Variants in NBEA observed in about 807,000 individuals in gnomAD.
NBEA encodes lysosomal-trafficking regulator 2.
Under a neutral mutation model 343.4 loss-of-function variants are expected in NBEA, and 44 were observed. The ratio of observed to expected loss-of-function variants is 0.13; its 90% CI spans 0.10 to 0.16. NBEA has a LOEUF of 0.16. Among genes scored for constraint, NBEA ranks in the 10% least tolerant of loss-of-function variants. The pLI is 1.00. For synonymous variants in NBEA, 1,175 were observed against 1,238.7 expected (o/e 0.95, Z 1.08); for missense variants, 2,555 against 3,631.3 (o/e 0.70, Z 7.62).
At chr13:34,986,961 T>C (rs932044552) in intron 1 of NBEA, among the ~76,000 whole-genome samples, 1 of 150,940 alleles carries the variant, frequency 6.6e-6, no homozygotes, top group African/African-American at 2.4e-5. Context: ...TCTTGACTCT[T>C]TATATTTGCC....
Position 34,942,746 on chromosome 13 carries a change from G to C in NBEA, c.-75G>C, listed in dbSNP as rs2059067165. ...GGCTCCGAGGCGACGGCCGGGGGGC[G>C]GGGGCCGAGGCAGGTATAACGGTAC... On this transcript the variant is annotated 5_prime_UTR_variant, in exon 1 of 59. Transcript: ENST00000379939. 6 of 1,191,114 alleles carry C rather than the reference G, an allele frequency of 5.0e-6. No homozygotes were observed. Among genetic ancestry groups the C allele is most frequent in the African/African-American group, 1.6e-5 (1 of 62,962 alleles). 73.8% of individuals were successfully genotyped at this position (1,191,114 alleles called of 1,614,324 possible).
intron 34 of NBEA, among the ~76,000 whole-genome samples, chr13:35,254,708 G>C (rs1217289325): frequency 6.6e-6 from 1 of 151,830 alleles, no homozygotes; most frequent in Non-Finnish European, 1.5e-5. Context: ...GATAAAGACA[G>C]TTTAATTAAC....
intron 34 of NBEA, among the ~76,000 whole-genome samples, chr13:35,267,020 G>T (rs760077702): frequency 1.1e-4 from 16 of 151,864 alleles, no homozygotes; most frequent in Admixed American, 2.0e-4. Context: ...AAGATTATAA[G>T]GAAGAGAAAA....
At chr13:35,319,994 C>T (rs550636211) in intron 36 of NBEA, among the ~76,000 whole-genome samples, 3 of 152,088 alleles carry the variant, frequency 2.0e-5, no homozygotes, top group South Asian at 2.1e-4. Context: ...TGACTTTGCA[C>T]GTATGATGGG....
chr13:35,203,726 T>TAA (rs1566453086), intron 31 of NBEA, among the ~76,000 whole-genome samples: 3 of 152,222 alleles, frequency 2.0e-5, no homozygotes, highest in Admixed American at 6.5e-5. Context: ...TATTACTTAT[T>TAA]AGTCAATTTA....
At chr13:35,367,189 G>A (rs189396615) in intron 38 of NBEA, among the ~76,000 whole-genome samples, 7 of 151,210 alleles carry the variant, frequency 4.6e-5, no homozygotes, top group Admixed American at 4.0e-4. Context: ...TGTAAAGACC[G>A]TTATAAGCAT....
At chr13:35,007,337 G>T (rs949821739) in intron 1 of NBEA, among the ~76,000 whole-genome samples, 2 of 151,546 alleles carry the variant, frequency 1.3e-5, no homozygotes, top group African/African-American at 2.4e-5. Context: ...AATTTTTTTT[G>T]ATGTGTATTC....
At chr13:35,133,277 CAAG>C (rs1387237999) in intron 17 of NBEA, among the ~76,000 whole-genome samples, 1 of 151,950 alleles carries the variant, frequency 6.6e-6, no homozygotes, top group Non-Finnish European at 1.5e-5. Context: ...CAGTAGTAAT[CAAG>C]AAAATGCAAA....
chr13:35,343,614 AC>A (rs1383122523), intron 36 of NBEA, among the ~76,000 whole-genome samples: 1 of 152,050 alleles, frequency 6.6e-6, no homozygotes, highest in Non-Finnish European at 1.5e-5. Flanking sequence ...ATTTACAGCC[AC>A]TTCCCATTGC....
chr13:35,153,626 C>A (rs942442571), intron 18 of NBEA, among the ~76,000 whole-genome samples: 21 of 152,142 alleles, frequency 1.4e-4, no homozygotes, highest in Non-Finnish European at 2.5e-4. Context: ...ATCTTCCTAG[C>A]AGTTTTATTA....
At position 35,555,992 on chromosome 13, in the gene NBEA, T is replaced by G. The variant is rs186384247; in HGVS notation, c.6922+890T>G. Among the ~76,000 whole-genome samples the G allele has an allele frequency of 8.5e-5, 13 of 152,154 alleles. No individual in the cohort carries two copies. In the East Asian group the frequency reaches 2.3e-3, roughly 27 times the overall value. On this transcript the variant is annotated intron_variant, in intron 44 of 58. Transcript: ENST00000379939. ...AAAGATACTATAGGTATATATTAAATGCGGGTAATATAGATATGTATTAAA... is the reference window on the plus strand; with the variant it reads ...AAAGATACTATAGGTATATATTAAAGGCGGGTAATATAGATATGTATTAAA...
intron 47 of NBEA, among the ~76,000 whole-genome samples, chr13:35,604,523 A>G (rs994688548): frequency 1.3e-5 from 2 of 151,610 alleles, no homozygotes; most frequent in African/African-American, 4.9e-5. Context: ...TCCTCCCTAT[A>G]CATGCATATA....
intron 17 of NBEA, 27 bp from the exon 18 acceptor site, chr13:35,142,242 T>C: frequency 1.4e-6 from 2 of 1,437,440 alleles, no homozygotes; most frequent in Non-Finnish European, 2.0e-6. Context: ...TGTTTCATGG[T>C]GTTTTATTTT....
intron 35 of NBEA, among the ~76,000 whole-genome samples, chr13:35,300,571 A>G (rs1447611427): frequency 3.3e-5 from 5 of 152,204 alleles, no homozygotes; most frequent in Middle Eastern, 3.4e-3. Context: ...CCCATTTCTT[A>G]TTTTCAGAGT....
intron 41 of NBEA, among the ~76,000 whole-genome samples, chr13:35,522,033 G>C (rs1054162409): frequency 6.6e-6 from 1 of 152,158 alleles, no homozygotes; most frequent in Non-Finnish European, 1.5e-5. Context: ...AGAAGGAACA[G>C]TGAGTGCAAA....
intron 1 of NBEA, among the ~76,000 whole-genome samples, chr13:34,993,063 T>C (rs1326887587): frequency 1.3e-5 from 2 of 152,126 alleles, no homozygotes; most frequent in Non-Finnish European, 2.9e-5. Flanking sequence ...GTTGCATTCA[T>C]TACTCGCTCC....
chr13:35,284,608 A>G (rs935330566), intron 34 of NBEA, among the ~76,000 whole-genome samples: 1 of 152,146 alleles, frequency 6.6e-6, no homozygotes, highest in South Asian at 2.1e-4. Context: ...AATTTTAGCA[A>G]TGATAAAAAT....
intron 10 of NBEA, among the ~76,000 whole-genome samples, chr13:35,076,312 T>C (rs1029506864): frequency 5.3e-5 from 8 of 151,964 alleles, no homozygotes; most frequent in African/African-American, 1.9e-4. Context: ...TTTGATGTAC[T>C]TGCACTACTA....
At chr13:34,974,842 T>C (rs2060113024) in intron 1 of NBEA, among the ~76,000 whole-genome samples, 1 of 152,202 alleles carries the variant, frequency 6.6e-6, no homozygotes, top group Admixed American at 6.5e-5. Flanking sequence ...TAGCAGCACA[T>C]GAAATAGCTT....
Sources: gnomAD v4.1 joint callset for allele counts (sites outside exome capture counted in the v4.1 genomes callset) on GRCh38, gnomAD v4.1.1 for gene constraint, MANE v1.5 for transcripts, NCBI Gene and HGNC (gene_info 2026-07-23, HGNC 2026-07-21) for gene names.